The following ESR1 variants were observed in gnomAD, a reference collection of about 807,000 sequenced individuals.
ESR1 encodes the protein estrogen receptor.
In ESR1, 12 loss-of-function variants were observed where a neutral mutation model predicts 52.7. That is an observed-to-expected ratio of 0.23 (90% CI 0.15 to 0.37). ESR1 has a LOEUF of 0.37. ESR1 is among the 10% of genes least tolerant of loss of function. ESR1 has a pLI of 1.00. For missense variants in ESR1, 584 were observed against 779.7 expected, an observed-to-expected ratio of 0.75 and a Z score of 2.99; for synonymous variants, 305 against 316.8, an observed-to-expected ratio of 0.96 and a Z score of 0.39.
At chr6:151,962,485 A>G (rs764355628) in intron 4 of ESR1, among the ~76,000 whole-genome samples, 99 of 152,060 alleles carry the variant, frequency 6.5e-4, no homozygotes, top group Non-Finnish European at 1.3e-3. Context: ...CCCCTGGTTG[A>G]TGTCATTCCT....
At chr6:152,124,106 T>C (rs2052467129) in intron 6 of ESR1, among the ~76,000 whole-genome samples, 1 of 152,166 alleles carries the variant, frequency 6.6e-6, no homozygotes, top group Non-Finnish European at 1.5e-5. Context: ...GGCGGATCAC[T>C]TGAGGCCAGG....
upstream of ESR1, among the ~76,000 whole-genome samples, chr6:151,686,688 A>AAAACCAAC (rs1461210041): frequency 8.1e-6 from 1 of 123,778 alleles, no homozygotes; most frequent in Non-Finnish European, 1.7e-5. Flanking sequence ...ACTCCATCTC[A>AAAACCAAC]AAACCAACCA....
At chr6:151,755,922 C>T (rs939441392) in intron 2 of ESR1, among the ~76,000 whole-genome samples, 7 of 151,988 alleles carry the variant, frequency 4.6e-5, no homozygotes, top group African/African-American at 1.2e-4. Flanking sequence ...TGAGCCACCG[C>T]GCCCAGCCAT....
exon 7 of ESR1, chr6:152,127,942 C>T (rs1226146617): frequency 2.0e-5 from 3 of 152,170 alleles, no homozygotes; most frequent in Non-Finnish European, 2.9e-5. Flanking sequence ...CTTCTCATTC[C>T]ATCTTAGTTC....
intron 3 of ESR1, among the ~76,000 whole-genome samples, chr6:151,898,821 CA>C (rs1436958951): frequency 6.6e-6 from 1 of 152,234 alleles, no homozygotes; most frequent in Admixed American, 6.5e-5. Context: ...ACACGGCAAC[CA>C]TCCGATTTCT....
At chr6:151,794,594 A>T (rs906025812) in intron 2 of ESR1, among the ~76,000 whole-genome samples, 1 of 152,158 alleles carries the variant, frequency 6.6e-6, no homozygotes, top group Non-Finnish European at 1.5e-5. Context: ...AAATCTGATA[A>T]TAGATATTTA....
chr6:152,117,138 T>C (rs759668725), intron 6 of ESR1, among the ~76,000 whole-genome samples: 22 of 152,200 alleles, frequency 1.4e-4, no homozygotes, highest in Non-Finnish European at 2.6e-4. Context: ...CATGGCTACT[T>C]ACATCCCTAC....
At chr6:152,128,072 G>A (rs987384082) in exon 7 of ESR1, 1 of 152,144 alleles carries the variant, frequency 6.6e-6, no homozygotes, top group Non-Finnish European at 1.5e-5. Flanking sequence ...TTATTCCTTT[G>A]CCTTGCTGGA....
intron 4 of ESR1, among the ~76,000 whole-genome samples, chr6:151,999,838 G>A (rs989876877): frequency 6.6e-6 from 1 of 151,974 alleles, no homozygotes; most frequent in Admixed American, 6.6e-5. Context: ...GTTTCATTTT[G>A]TGATTTTTAA....
upstream of ESR1, chr6:151,807,602 C>A (rs1778081996): frequency 3.9e-6 from 2 of 514,938 alleles, no homozygotes; most frequent in East Asian, 6.9e-5. Flanking sequence ...GGCAACAGTC[C>A]CTGGCCGTCC....
chr6:152,065,403 A>C (rs1214990540), intron 6 of ESR1, among the ~76,000 whole-genome samples: 4 of 152,218 alleles, frequency 2.6e-5, no homozygotes, highest in Non-Finnish European at 4.4e-5. Context: ...CACCTCTATC[A>C]GAAAACCACC....
intron 4 of ESR1, among the ~76,000 whole-genome samples, chr6:151,971,160 G>A (rs895338788): frequency 6.6e-6 from 1 of 152,104 alleles, no homozygotes; most frequent in African/African-American, 2.4e-5. Flanking sequence ...GAGACTTGGG[G>A]GGAAATAATG....
intron 1 of ESR1, among the ~76,000 whole-genome samples, chr6:151,683,323 C>G (rs1394079534): frequency 6.6e-6 from 1 of 152,070 alleles, no homozygotes; most frequent in African/African-American, 2.4e-5. Context: ...TGTAAATGGT[C>G]AGAGTCTGCT....
chr6:151,770,127 A>T (rs912159194), intron 2 of ESR1, among the ~76,000 whole-genome samples: 4 of 152,164 alleles, frequency 2.6e-5, no homozygotes, highest in African/African-American at 9.7e-5. Flanking sequence ...TAGGTGAGTT[A>T]AGAAGGAAAT....
At chr6:151,911,821 G>T (rs1423779098) in intron 3 of ESR1, among the ~76,000 whole-genome samples, 3 of 152,188 alleles carry the variant, frequency 2.0e-5, no homozygotes, top group East Asian at 3.8e-4. Flanking sequence ...GCTCCCAGGT[G>T]ATTCTGACAT....
intron 3 of ESR1, among the ~76,000 whole-genome samples, chr6:151,917,286 G>A (rs888652273): frequency 6.6e-6 from 1 of 152,122 alleles, no homozygotes; most frequent in Admixed American, 6.6e-5. Flanking sequence ...GCTGAACCTT[G>A]GTGTCTTAGT....
At chr6:151,972,241 C>A (rs955277429) in intron 4 of ESR1, among the ~76,000 whole-genome samples, 5 of 152,076 alleles carry the variant, frequency 3.3e-5, no homozygotes, top group Non-Finnish European at 7.4e-5. Context: ...AAAATTGATA[C>A]CAATCCTACT....
At position 152,053,566 on chromosome 6, in the gene ESR1, A is replaced by G. The variant is rs1562729089; in HGVS notation, c.1236-7425A>G. ...TCTCTCTTATCCTCTCTTTCTCTCA[A>G]TCCCTCTCTCCCTCTTTCTCTCTCT... On this transcript the variant is annotated intron_variant, in intron 5 of 7. Coordinates refer to ENST00000206249, the MANE Select transcript of ESR1 (RefSeq NM_000125.4). This position sits in a 1 kb window ranked among gnomAD's most constrained non-coding sequence, Gnocchi z 4.1. 7.3e-6 allele frequency among the ~76,000 whole-genome samples: 1 copy of G among 137,462 alleles called. No individual in the cohort carries two copies. Among genetic ancestry groups the G allele is most frequent in the African/African-American group, 2.7e-5 (1 of 36,648 alleles). The allele number at this position is 137,462 out of a possible 152,430, so 90.2% of individuals were successfully genotyped here.
intron 6 of ESR1, among the ~76,000 whole-genome samples, chr6:152,081,044 C>A: frequency 6.6e-6 from 1 of 152,148 alleles, no homozygotes; most frequent in East Asian, 1.9e-4. Flanking sequence ...AGACACCCCA[C>A]AGTCAATATT....
Sources: gnomAD v4.1 joint callset for allele counts (sites outside exome capture counted in the v4.1 genomes callset) on GRCh38, gnomAD v4.1.1 for gene constraint, Gnocchi (gnomAD v3.1) non-coding constraint, MANE v1.5 for transcripts, NCBI Gene and HGNC (gene_info 2026-07-23, HGNC 2026-07-21) for gene names.